The following CALU variants were observed in gnomAD, a reference collection of about 807,000 sequenced individuals.
CALU encodes the protein calumenin.
In CALU, 13 loss-of-function variants were observed where a neutral mutation model predicts 37.5. The observed-to-expected ratio is 0.35, with a 90% confidence interval of 0.23 to 0.55. The LOEUF (loss-of-function observed/expected upper bound fraction) is 0.55, where lower values mean the gene tolerates loss of function less well. Ranked by LOEUF, CALU falls within the 20% of genes least tolerant of loss-of-function variation. CALU has a pLI of 0.89. For missense variants in CALU, 282 were observed against 391.7 expected, an observed-to-expected ratio of 0.72 and a Z score of 2.36; for synonymous variants, 114 against 133.8, an observed-to-expected ratio of 0.85 and a Z score of 1.02.
At position 128,754,332 on chromosome 7, in the gene CALU, A is replaced by G. The variant is rs768923765; in HGVS notation, c.292A>G (p.Lys98Glu). The change falls in exon 3 of 7, where the codon AAA becomes GAA. Residue 98 changes from lysine (K) to glutamate (E), a missense_variant. Coordinates refer to ENST00000249364, the MANE Select transcript of CALU (RefSeq NM_001219.5). ...VTVDELKDWIKFAQKRWIYED... is the reference protein window; with the variant it reads ...VTVDELKDWIEFAQKRWIYED... Reference sequence around the variant, plus strand: ...TGTGGATGAGCTCAAAGACTGGATTAAATTTGCACAAAAGCGCTGGATTTA... The same window carrying G: ...TGTGGATGAGCTCAAAGACTGGATTGAATTTGCACAAAAGCGCTGGATTTA... The G allele has an allele frequency of 3.1e-6, 5 of 1,614,130 alleles. No individual in the cohort carries two copies. Among genetic ancestry groups the G allele is most frequent in the Non-Finnish European group, 3.4e-6 (4 of 1,179,962 alleles).
intron 1 of CALU, among the ~76,000 whole-genome samples, chr7:128,744,734 G>C (rs1800367375): frequency 6.6e-6 from 1 of 152,124 alleles, no homozygotes; most frequent in African/African-American, 2.4e-5. Flanking sequence ...AAGCATGAAG[G>C]AACAGCACAG....
At position 128,772,354 on chromosome 7, in the gene CALU, G is replaced by C. The variant is rs1801617121; in HGVS notation, c.*3187G>C. On this transcript the variant is annotated 3_prime_UTR_variant, in exon 7 of 7. Transcript: ENST00000249364. ...TTGGGTGGTCTGAAATAGACCAGTG[G>C]AAACAGTAGCTTTGTAGGCAAGAAG... The C allele has an allele frequency of 1.5e-6, 1 of 671,554 alleles. No homozygotes were observed. Among genetic ancestry groups the C allele is most frequent in the East Asian group, 2.8e-5 (1 of 35,488 alleles). 41.6% of individuals were successfully genotyped at this position (671,554 alleles called of 1,614,324 possible).
rs963746901 is a variant in CALU at position 128,759,042 on chromosome 7, G to A, written c.582+5G>A. On this transcript the variant is annotated splice_donor_5th_base_variant and intron_variant, in intron 4 of 6. Transcript: ENST00000249364. ...ATGAAAGATATAGTAGTACAGGTGG[G>A]TGAGATGAAGGATTCTGAACAGGGA... 1.8e-5 allele frequency: 29 copies of A among 1,606,032 alleles called. No homozygotes were observed. The Middle Eastern group carries it at 6.6e-4, about 37-fold the overall frequency.
At chr7:128,764,224 T>C (rs1338936449) in intron 5 of CALU, among the ~76,000 whole-genome samples, 1 of 152,088 alleles carries the variant, frequency 6.6e-6, no homozygotes, top group Non-Finnish European at 1.5e-5. Context: ...GCCCAGGAGT[T>C]TGAGAACAAC....
chr7:128,746,762 C>CTTTTTTTTTTTT (rs71162530), intron 1 of CALU, among the ~76,000 whole-genome samples: 10 of 122,660 alleles, frequency 8.2e-5, no homozygotes, highest in Non-Finnish European at 1.5e-4. Context: ...TCATGTCATT[C>CTTTTTTTTTTTT]TTTTTTTTTT....
At chr7:128,754,477 G>A (rs374762041) in intron 3 of CALU, 22 bp downstream of exon 3, 3 of 1,607,930 alleles carry the variant, frequency 1.9e-6, no homozygotes, top group African/African-American at 2.7e-5. Context: ...CTGTCTGGGG[G>A]AAAAAGCCTT....
intron 5 of CALU, among the ~76,000 whole-genome samples, chr7:128,760,636 C>T (rs1449500474): frequency 1.3e-5 from 2 of 151,984 alleles, no homozygotes; most frequent in South Asian, 2.1e-4. Context: ...GGGCTGGGCA[C>T]GGTGGCTCAC....
chr7:128,751,104 A>G (rs538768789), intron 2 of CALU, among the ~76,000 whole-genome samples: 1 of 151,964 alleles, frequency 6.6e-6, no homozygotes, highest in South Asian at 2.1e-4. Flanking sequence ...CCTGGCCAAT[A>G]TGGTGAAATC....
At chr7:128,749,955 G>A (rs112148192) in intron 2 of CALU, among the ~76,000 whole-genome samples, 1,681 of 152,104 alleles carry the variant, frequency 0.011, 25 homozygotes, top group African/African-American at 0.034. Flanking sequence ...GATCAGGTAC[G>A]GTGGCTCACG....
Position 128,773,053 on chromosome 7 carries a change from A to G in CALU, c.*3886A>G, listed in dbSNP as rs1159519578. ...GGATTGAGGAAACAATACCATCTGAAAGTAGGGTTTTTGCCACTTAGGGTT... is the reference window on the plus strand; with the variant it reads ...GGATTGAGGAAACAATACCATCTGAGAGTAGGGTTTTTGCCACTTAGGGTT... On this transcript the variant is annotated 3_prime_UTR_variant, in exon 7 of 7. Transcript: ENST00000249364. Among the ~76,000 whole-genome samples, 3 of 152,140 alleles carry G rather than the reference A, an allele frequency of 2.0e-5. No individual in the cohort carries two copies. Among genetic ancestry groups the G allele is most frequent in the Non-Finnish European group, 4.4e-5 (3 of 68,020 alleles).
intron 3 of CALU, among the ~76,000 whole-genome samples, chr7:128,757,350 T>C (rs1258853736): frequency 2.1e-5 from 3 of 141,016 alleles, no homozygotes; most frequent in Non-Finnish European, 4.6e-5. Flanking sequence ...CAACCTATTA[T>C]GGCTTTGAGT....
intron 2 of CALU, among the ~76,000 whole-genome samples, chr7:128,750,248 G>GAAATGC (rs1800621191): frequency 6.9e-6 from 1 of 144,776 alleles, no homozygotes; most frequent in South Asian, 2.2e-4. Context: ...AAAGAAAATA[G>GAAATGC]AAATGCAGAG....
chr7:128,745,793 A>G (rs1040396954), intron 1 of CALU, among the ~76,000 whole-genome samples: 3 of 152,214 alleles, frequency 2.0e-5, no homozygotes, highest in Non-Finnish European at 4.4e-5. Context: ...GCAATATTTT[A>G]CAAGTGGTGC....
intron 4 of CALU, 57 bp downstream of exon 4, chr7:128,759,094 C>A: frequency 7.2e-7 from 1 of 1,393,070 alleles, no homozygotes; most frequent in Non-Finnish European, 1.0e-6. Context: ...GTGGCTTATT[C>A]TGTCTTTCCC....
chr7:128,745,888 C>T (rs1389096994), intron 1 of CALU, among the ~76,000 whole-genome samples: 1 of 152,204 alleles, frequency 6.6e-6, no homozygotes, highest in African/African-American at 2.4e-5. Context: ...TTCACTTTCA[C>T]ACCAATCTTA....
At chr7:128,757,637 A>G (rs547811206) in intron 3 of CALU, among the ~76,000 whole-genome samples, 16 of 152,226 alleles carry the variant, frequency 1.1e-4, no homozygotes, top group South Asian at 8.3e-4. Context: ...TTTTTATGTA[A>G]TCAATATGTT....
At chr7:128,755,876 G>A (rs1461346918) in intron 3 of CALU, among the ~76,000 whole-genome samples, 2 of 152,170 alleles carry the variant, frequency 1.3e-5, no homozygotes, top group African/African-American at 2.4e-5. Context: ...TAAAGCAAGC[G>A]TTCTCCGCCA....
At chr7:128,749,997 C>T (rs537838992) in intron 2 of CALU, among the ~76,000 whole-genome samples, 73 of 152,164 alleles carry the variant, frequency 4.8e-4, no homozygotes, top group South Asian at 4.1e-3. Context: ...GAGGCTGAGG[C>T]GGTTGGATCA....
chr7:128,751,183 G>A (rs339045), intron 2 of CALU, among the ~76,000 whole-genome samples: 4,195 of 151,734 alleles, frequency 0.028, 198 homozygotes, highest in African/African-American at 0.097. Context: ...AGCTACTTGG[G>A]AGGCTGAGGC....
Sources: gnomAD v4.1 joint callset for allele counts (sites outside exome capture counted in the v4.1 genomes callset) on GRCh38, gnomAD v4.1.1 for gene constraint, MANE v1.5 for transcripts, NCBI Gene and HGNC (gene_info 2026-07-23, HGNC 2026-07-21) for gene names.